The following VPS29 variants were observed in gnomAD, a reference collection of about 807,000 sequenced individuals.
VPS29 encodes vacuolar protein sorting-associated protein 29.
Under a neutral mutation model 20.0 loss-of-function variants are expected in VPS29, and 2 were observed. The observed-to-expected ratio is 0.10, with a 90% CI of 0.04 to 0.31. The LOEUF (loss-of-function observed/expected upper bound fraction) is 0.31, where lower values mean the gene tolerates loss of function less well. Ranked by LOEUF, VPS29 falls within the 10% of genes least tolerant of loss-of-function variation. The pLI is 1.00. For missense variants in VPS29, 120 were observed against 215.3 expected, an observed-to-expected ratio of 0.56 and a Z score of 2.77; for synonymous variants, 81 against 79.3, an observed-to-expected ratio of 1.02 and a Z score of -0.12.
At chr12:110,499,456 C>T in intron 1 of VPS29, 1 of 1,596,396 alleles carries the variant, frequency 6.3e-7, no homozygotes, top group Non-Finnish European at 8.5e-7. Flanking sequence ...TTTCAACAGA[C>T]CTTAAAAGGG....
intron 1 of VPS29, among the ~76,000 whole-genome samples, chr12:110,498,131 C>T (rs958498313): frequency 2.0e-5 from 3 of 151,944 alleles, no homozygotes; most frequent in African/African-American, 7.3e-5. Flanking sequence ...TCCACTACAC[C>T]CAGCTAATTT....
chr12:110,497,212 T>C (rs1034362222), intron 1 of VPS29, among the ~76,000 whole-genome samples: 109 of 120,936 alleles, frequency 9.0e-4, no homozygotes, highest in African/African-American at 3.0e-3. Flanking sequence ...TCTTTCTTTT[T>C]TTTTTTTTTT....
intron 2 of VPS29, 60 bp downstream of exon 2, chr12:110,495,952 C>A: frequency 7.1e-7 from 1 of 1,410,304 alleles, no homozygotes; most frequent in Non-Finnish European, 9.4e-7. Context: ...AAAGATAAAG[C>A]TTATGTAAGT....
At chr12:110,498,931 T>A (rs2062949817) in intron 1 of VPS29, 1 of 706,350 alleles carries the variant, frequency 1.4e-6, no homozygotes, top group Admixed American at 6.3e-5. Context: ...AATAGATTTC[T>A]ATATTTAAAA....
chr12:110,500,051 AT>A (rs2062977519), intron 1 of VPS29, among the ~76,000 whole-genome samples: 1 of 152,234 alleles, frequency 6.6e-6, no homozygotes, highest in African/African-American at 2.4e-5. Flanking sequence ...TAGCTGGAAA[AT>A]TATGCTGCGG....
chr12:110,497,362 G>A (rs1344797262), intron 1 of VPS29, among the ~76,000 whole-genome samples: 6 of 151,266 alleles, frequency 4.0e-5, no homozygotes, highest in South Asian at 4.2e-4. Context: ...GACTACAGGC[G>A]TGTGCCACCA....
At chr12:110,499,595 A>G in intron 1 of VPS29, 2 of 1,436,762 alleles carry the variant, frequency 1.4e-6, no homozygotes, top group East Asian at 4.6e-5. Context: ...TGAAAAAAAA[A>G]GGGTGAAACA....
At chr12:110,500,828 G>A (rs952229217) in intron 1 of VPS29, among the ~76,000 whole-genome samples, 3 of 151,938 alleles carry the variant, frequency 2.0e-5, no homozygotes, top group Non-Finnish European at 4.4e-5. Context: ...GGGTGGAAGG[G>A]GACCCGAGTG....
intron 1 of VPS29, among the ~76,000 whole-genome samples, chr12:110,497,201 T>C (rs1187024036): frequency 7.1e-6 from 1 of 140,346 alleles, no homozygotes; most frequent in Admixed American, 7.7e-5. Flanking sequence ...ATTTAAAAAT[T>C]TCTTTCTTTT....
intron 1 of VPS29, chr12:110,498,791 A>C: frequency 1.0e-6 from 1 of 976,604 alleles, no homozygotes; most frequent in East Asian, 1.1e-4. Context: ...TGAAGTTTCC[A>C]CCCTCACTGG....
At chr12:110,497,235 G>C (rs1361552941) in intron 1 of VPS29, among the ~76,000 whole-genome samples, 1 of 26,296 alleles carries the variant, frequency 3.8e-5, no homozygotes, top group South Asian at 1.1e-3. Flanking sequence ...TTTTTTTTTT[G>C]AGACGGAGTC....
intron 3 of VPS29, 33 bp from the exon 4 acceptor site, chr12:110,492,155 G>T: frequency 2.7e-6 from 4 of 1,496,446 alleles, no homozygotes; most frequent in South Asian, 1.1e-5. Flanking sequence ...TCAGTGTTTT[G>T]TAGCACAAAG....
intron 2 of VPS29, among the ~76,000 whole-genome samples, chr12:110,493,801 G>A (rs888325224): frequency 1.1e-4 from 17 of 152,060 alleles, no homozygotes; most frequent in African/African-American, 3.1e-4. Flanking sequence ...GTTCTTTTGC[G>A]CATGCTGTAA....
At chr12:110,501,978 C>T (rs1273531160) in intron 1 of VPS29, 71 bp downstream of exon 1, 1 of 1,612,658 alleles carries the variant, frequency 6.2e-7, no homozygotes, top group African/African-American at 1.3e-5. Flanking sequence ...CCCTCGGCCT[C>T]CCCACGGCTC....
In VPS29 at chr12:110,501,662, T is replaced by C. The variant is rs997870121; in HGVS notation, c.3+387A>G. 71 of 1,519,140 alleles carry C rather than the reference T, an allele frequency of 4.7e-5. 1 individual carries two copies. Among genetic ancestry groups the C allele is most frequent in the Admixed American group, 1.8e-4 (9 of 50,926 alleles). 94.1% of individuals were successfully genotyped at this position (1,519,140 alleles called of 1,614,324 possible). On this transcript the variant is annotated intron_variant, in intron 1 of 3. Coordinates refer to ENST00000549578, the MANE Select transcript of VPS29 (RefSeq NM_016226.5). ...CTACACCCCAACCAGCGGGAGGTGC[T>C]TTTTGCGGGAAACGAGTAGGAACCG...
In VPS29 at chr12:110,491,927, G is replaced by T; in HGVS notation, c.*78C>A. 1 of 966,176 alleles carries T rather than the reference G, an allele frequency of 1.0e-6. No individual in the cohort carries two copies. Among genetic ancestry groups the T allele is most frequent in the Non-Finnish European group, 1.6e-6 (1 of 612,674 alleles). 59.9% of individuals were successfully genotyped at this position (966,176 alleles called of 1,614,324 possible). A position where few individuals can be genotyped will look rare whatever the true frequency, so the allele number is the denominator to read the frequency against. ...AATATTATAAAAGTGATACAATTTT[G>T]TGGCTCTTAAATGTTTAATTACTTG... On this transcript the variant is annotated 3_prime_UTR_variant, in exon 4 of 4. Coordinates refer to ENST00000549578, the MANE Select transcript of VPS29 (RefSeq NM_016226.5).
chr12:110,495,922 C>A, intron 2 of VPS29, 90 bp downstream of exon 2: 6 of 1,220,838 alleles, frequency 4.9e-6, no homozygotes, highest in East Asian at 5.1e-5. Context: ...AAAACCTTAC[C>A]AGTTGAGAAA....
chr12:110,496,762 A>C (rs2062913566), intron 1 of VPS29: 1 of 152,410 alleles, frequency 6.6e-6, no homozygotes, highest in African/African-American at 2.4e-5. Context: ...TATGTAATTT[A>C]TCTGTACTAG....
chr12:110,501,504 C>T (rs1434744897), intron 1 of VPS29: 3 of 1,535,364 alleles, frequency 2.0e-6, no homozygotes, highest in Non-Finnish European at 2.6e-6. Flanking sequence ...ACCTGCTCAT[C>T]TCAATGGCAG....
Sources: allele counts gnomAD v4.1 joint callset (sites outside exome capture counted in the v4.1 genomes callset), GRCh38; gene constraint gnomAD v4.1.1; transcripts MANE v1.5; gene names NCBI Gene and HGNC (gene_info 2026-07-23, HGNC 2026-07-21).